Variants in DCDC2C observed in about 807,000 individuals in gnomAD.
The protein encoded by DCDC2C is doublecortin domain containing 2C, also known as doublecortin domain-containing protein 2C.
DCDC2C carries 44 observed loss-of-function variants against 45.0 expected under a neutral mutation model. That is an observed-to-expected ratio of 0.98 (90% CI 0.77 to 1.26). The LOEUF (loss-of-function observed/expected upper bound fraction) is 1.26, where lower values mean the gene tolerates loss of function less well. Among genes scored for constraint, DCDC2C ranks in the 50% most tolerant of loss-of-function variants. The pLI, the probability that DCDC2C is intolerant of heterozygous loss-of-function variation, is 0.00. For synonymous variants in DCDC2C, 187 were observed against 178.8 expected (o/e 1.05, Z -0.37); for missense variants, 447 against 468.9 (o/e 0.95, Z 0.43).
intron 10 of DCDC2C, among the ~76,000 whole-genome samples, chr2:3,824,327 A>G (rs927557871): frequency 1.3e-5 from 2 of 152,244 alleles, no homozygotes; most frequent in South Asian, 2.1e-4. Context: ...TTCACAGGCT[A>G]TACCAACTCT....
At chr2:3,704,111 G>T in intron 1 of DCDC2C, 73 bp downstream of exon 1, 1 of 1,180,058 alleles carries the variant, frequency 8.5e-7, no homozygotes. Context: ...GGTCAGGGCC[G>T]TGCCCCCCAG....
chr2:3,758,126 T>C (rs185337641), intron 6 of DCDC2C, among the ~76,000 whole-genome samples: 54 of 152,344 alleles, frequency 3.5e-4, no homozygotes, highest in Admixed American at 4.6e-4. Context: ...GGGCTGGTCC[T>C]GAAAAACTGT....
chr2:3,793,358 C>T (rs1282769757), intron 10 of DCDC2C, among the ~76,000 whole-genome samples: 1 of 152,228 alleles, frequency 6.6e-6, no homozygotes, highest in Admixed American at 6.5e-5. Context: ...TCAGTGCCGC[C>T]TTCTGCATCG....
intron 10 of DCDC2C, among the ~76,000 whole-genome samples, chr2:3,821,288 A>G (rs58485038): frequency 1.2e-3 from 190 of 152,300 alleles, no homozygotes; most frequent in African/African-American, 4.1e-3. Flanking sequence ...CTGGATGTAT[A>G]TGTGCAGGTC....
At chr2:3,806,264 G>A (rs1320790142) in intron 10 of DCDC2C, among the ~76,000 whole-genome samples, 2 of 152,152 alleles carry the variant, frequency 1.3e-5, no homozygotes, top group African/African-American at 2.4e-5. Context: ...TGTTCTAAAC[G>A]GCTCCAGCCT....
chr2:3,743,349 T>A (rs1669271429), intron 4 of DCDC2C, among the ~76,000 whole-genome samples: 1 of 152,112 alleles, frequency 6.6e-6, no homozygotes, highest in Non-Finnish European at 1.5e-5. Flanking sequence ...GAATACATCA[T>A]CCAGACAGAA....
At chr2:3,766,919 C>T (rs1020774505) in intron 6 of DCDC2C, among the ~76,000 whole-genome samples, 5 of 152,316 alleles carry the variant, frequency 3.3e-5, no homozygotes, top group African/African-American at 7.2e-5. Flanking sequence ...CAAAGCTTCA[C>T]GCGTTCAGTG....
chr2:3,801,800 C>A (rs1337389004), intron 10 of DCDC2C, among the ~76,000 whole-genome samples: 7 of 152,254 alleles, frequency 4.6e-5, no homozygotes, highest in Non-Finnish European at 8.8e-5. Context: ...CTGCTCAGTG[C>A]ATCTCCTTTT....
chr2:3,815,857 A>G (rs975425034), intron 10 of DCDC2C, among the ~76,000 whole-genome samples: 10 of 152,312 alleles, frequency 6.6e-5, no homozygotes, highest in African/African-American at 1.9e-4. Context: ...TTCTTCAGTT[A>G]CTTCAGGCCA....
intron 10 of DCDC2C, among the ~76,000 whole-genome samples, chr2:3,845,863 C>A (rs928487902): frequency 6.6e-6 from 1 of 152,178 alleles, no homozygotes; most frequent in African/African-American, 2.4e-5. Flanking sequence ...CATTTGTTGA[C>A]CACAGGGTCT....
chr2:3,758,037 G>A (rs1669769506), intron 6 of DCDC2C, among the ~76,000 whole-genome samples: 1 of 152,160 alleles, frequency 6.6e-6, no homozygotes, highest in South Asian at 2.1e-4. Context: ...GGAGTACAAT[G>A]GACTATATCT....
At chr2:3,832,200 A>T (rs1671966856) in intron 10 of DCDC2C, among the ~76,000 whole-genome samples, 1 of 152,240 alleles carries the variant, frequency 6.6e-6, no homozygotes, top group Non-Finnish European at 1.5e-5. Flanking sequence ...TGTTTTCACC[A>T]TACATTTGTG....
chr2:3,703,732 G>A lies in DCDC2C; in HGVS notation c.-20G>A. 8.1e-7 allele frequency: 1 copy of A among 1,229,054 alleles called. No individual in the cohort carries two copies. 76.1% of individuals were successfully genotyped at this position (1,229,054 alleles called of 1,614,324 possible). A position where few individuals can be genotyped will look rare whatever the true frequency, so the allele number is the denominator to read the frequency against. On this transcript the variant is annotated 5_prime_UTR_variant, in exon 1 of 11. Transcript: ENST00000399143. The surrounding 1 kb of genome is among the most constrained non-coding windows in gnomAD (Gnocchi z 4.4). ...TGCCGCAGCCTCTCGGCCCCGGCGA[G>A]CGAGGAGCGGGGCGCGGCTATGGGA...
At chr2:3,760,754 GT>G (rs1055141966) in intron 6 of DCDC2C, among the ~76,000 whole-genome samples, 2 of 151,872 alleles carry the variant, frequency 1.3e-5, no homozygotes, top group African/African-American at 4.8e-5. Context: ...TAGATGATGG[GT>G]TGATAGGTGC....
At chr2:3,704,143 C>G in intron 1 of DCDC2C, 105 bp downstream of exon 1, 2 of 1,055,522 alleles carry the variant, frequency 1.9e-6, no homozygotes, top group Non-Finnish European at 2.4e-6. Flanking sequence ...AGGCTTCCCT[C>G]CCGGCTCGGG....
At chr2:3,737,743 A>T (rs763722074) in intron 3 of DCDC2C, among the ~76,000 whole-genome samples, 5 of 152,188 alleles carry the variant, frequency 3.3e-5, no homozygotes, top group Non-Finnish European at 4.4e-5. Flanking sequence ...TAAAGTGTTC[A>T]TGGCTAGTGC....
chr2:3,793,733 G>A (rs1037844101), intron 10 of DCDC2C, among the ~76,000 whole-genome samples: 20 of 152,234 alleles, frequency 1.3e-4, no homozygotes, highest in African/African-American at 3.9e-4. Context: ...TTCTATGCCA[G>A]GTTCAGACAC....
intron 9 of DCDC2C, among the ~76,000 whole-genome samples, chr2:3,784,103 C>T (rs1670584979): frequency 6.6e-6 from 1 of 152,064 alleles, no homozygotes; most frequent in African/African-American, 2.4e-5. Context: ...TAAAGAAATG[C>T]AAATAATAAA....
At chr2:3,801,880 G>A (rs763731306) in intron 10 of DCDC2C, among the ~76,000 whole-genome samples, 4 of 152,250 alleles carry the variant, frequency 2.6e-5, no homozygotes, top group Non-Finnish European at 4.4e-5. Flanking sequence ...GGGCTGACGG[G>A]ACACTACTGG....
Sources: gnomAD v4.1 joint callset for allele counts (sites outside exome capture counted in the v4.1 genomes callset) on GRCh38, gnomAD v4.1.1 for gene constraint, Gnocchi (gnomAD v3.1) non-coding constraint, MANE v1.5 for transcripts, NCBI Gene and HGNC (gene_info 2026-07-23, HGNC 2026-07-21) for gene names.